Variants in TMTC4 observed in about 807,000 individuals in gnomAD.
The protein encoded by TMTC4 is protein O-mannosyl-transferase TMTC4.
A neutral mutation model predicts 86.0 loss-of-function variants in TMTC4; 65 were observed. That is an observed-to-expected ratio of 0.76 (90% CI 0.62 to 0.93). The LOEUF (loss-of-function observed/expected upper bound fraction) is 0.93, where lower values mean the gene tolerates loss of function less well. TMTC4 is among the 40% of genes least tolerant of loss of function. The pLI is 0.00. For synonymous variants in TMTC4, 379 were observed against 382.5 expected (o/e 0.99, Z 0.11); for missense variants, 866 against 948.1 (o/e 0.91, Z 1.14).
chr13:100,629,544 T>C (rs1021909968), intron 12 of TMTC4, among the ~76,000 whole-genome samples: 4 of 152,160 alleles, frequency 2.6e-5, no homozygotes, highest in Admixed American at 6.5e-5. Flanking sequence ...TTCTTCCCAC[T>C]AGATAATACA....
Position 100,604,964 on chromosome 13 carries a change from A to T in TMTC4, c.*30T>A, listed in dbSNP as rs773247652. 2 of 1,608,822 alleles carry T rather than the reference A, an allele frequency of 1.2e-6. No homozygotes were observed. Among genetic ancestry groups the T allele is most frequent in the Non-Finnish European group, 1.7e-6 (2 of 1,177,780 alleles). On this transcript the variant is annotated 3_prime_UTR_variant, in exon 19 of 19. Coordinates refer to ENST00000342624, the MANE Select transcript of TMTC4 (RefSeq NM_032813.5). ...AATGATATGCCTCATGCACACACAC[A>T]CTCAAACTCAAAACATGAAGGAAAC...
chr13:100,641,507 G>A (rs1490815752), intron 7 of TMTC4, among the ~76,000 whole-genome samples: 1 of 150,972 alleles, frequency 6.6e-6, no homozygotes, highest in Non-Finnish European at 1.5e-5. Context: ...CTTTTTTTGA[G>A]ATGTAGTTTT....
chr13:100,638,100 T>C lies in TMTC4; in HGVS notation c.742-78A>G, dbSNP rs1882516143. ...CAGCAATTACACTTCACAATTTCAT[T>C]ACTCAATCTAGACAAGGAACACATA... On this transcript the variant is annotated intron_variant, in intron 7 of 18. Coordinates refer to ENST00000342624, the MANE Select transcript of TMTC4 (RefSeq NM_032813.5). 3.7e-6 allele frequency: 4 copies of C among 1,093,166 alleles called. No individual in the cohort carries two copies. The South Asian group carries it at 5.6e-5, about 15-fold the overall frequency. 67.7% of individuals were successfully genotyped at this position (1,093,166 alleles called of 1,614,324 possible). A position where few individuals can be genotyped will look rare whatever the true frequency, so the allele number is the denominator to read the frequency against.
intron 15 of TMTC4, among the ~76,000 whole-genome samples, chr13:100,619,689 G>T (rs1280278226): frequency 6.6e-6 from 1 of 152,208 alleles, no homozygotes; most frequent in African/African-American, 2.4e-5. Flanking sequence ...ATGAGACTCA[G>T]AAACTCAAGT....
chr13:100,670,431 G>C lies in TMTC4; in HGVS notation c.-69C>G, dbSNP rs1886941769. On this transcript the variant is annotated 5_prime_UTR_variant, in exon 2 of 19. Coordinates refer to ENST00000342624, the MANE Select transcript of TMTC4 (RefSeq NM_032813.5). ...AGATTTACAATCCAGAGATGAAACA[G>C]GCCGCAACTCTTCCACTGCTTGTCT... 2.6e-6 allele frequency: 4 copies of C among 1,546,196 alleles called. No homozygotes were observed. The highest frequency in any genetic ancestry group is 3.5e-6 in the Non-Finnish European group (4 of 1,139,382).
chr13:100,624,270 G>A (rs1161371703), intron 15 of TMTC4: 6 of 151,230 alleles, frequency 4.0e-5, no homozygotes, highest in Admixed American at 1.3e-4. Flanking sequence ...AGCTTGCAGT[G>A]AGCCGAGATC....
chr13:100,630,854 G>A (rs1054660777), intron 12 of TMTC4, among the ~76,000 whole-genome samples: 2 of 152,222 alleles, frequency 1.3e-5, no homozygotes, highest in African/African-American at 2.4e-5. Flanking sequence ...GGAGAAGGAC[G>A]TGGGACTCTG....
At chr13:100,636,880 G>A (rs1218098969) in intron 9 of TMTC4, 146 bp from the exon 10 acceptor site, 1 of 772,424 alleles carries the variant, frequency 1.3e-6, no homozygotes, top group Non-Finnish European at 2.1e-6. Flanking sequence ...ACGTGTATTG[G>A]GTATGTGACT....
At position 100,666,033 on chromosome 13, in the gene TMTC4, C is replaced by T. The variant is rs374141086; in HGVS notation, c.220-1697G>A. The T allele has an allele frequency of 1.3e-4, 61 of 456,700 alleles. 1 individual carries two copies. The East Asian group carries it at 3.1e-3, about 23-fold the overall frequency. 28.3% of individuals were successfully genotyped at this position (456,700 alleles called of 1,614,324 possible). ...AAGGGCTTCGGCAGAGGATCTTTTCCTCCCTTTGAACAGGAAATGAACACC... is the reference window on the plus strand; with the variant it reads ...AAGGGCTTCGGCAGAGGATCTTTTCTTCCCTTTGAACAGGAAATGAACACC... On this transcript the variant is annotated intron_variant, in intron 3 of 18. Transcript: ENST00000342624.
At chr13:100,653,858 G>T (rs750079937) in intron 6 of TMTC4, among the ~76,000 whole-genome samples, 1 of 152,146 alleles carries the variant, frequency 6.6e-6, no homozygotes, top group Non-Finnish European at 1.5e-5. Flanking sequence ...CAAAATGCAC[G>T]CCCAACAATC....
intron 15 of TMTC4, among the ~76,000 whole-genome samples, chr13:100,621,407 A>G (rs1243473448): frequency 6.6e-6 from 1 of 152,152 alleles, no homozygotes; most frequent in African/African-American, 2.4e-5. Flanking sequence ...AAAAAAAGGG[A>G]TGAAAGAAGA....
At chr13:100,673,991 C>T (rs1383256905) in intron 1 of TMTC4, 1 of 981,892 alleles carries the variant, frequency 1.0e-6, no homozygotes, top group Admixed American at 6.1e-5. Context: ...GTTCCTCTAA[C>T]TCCTCCCTTC....
At chr13:100,662,608 C>T (rs1314068845) in intron 5 of TMTC4, among the ~76,000 whole-genome samples, 1 of 152,146 alleles carries the variant, frequency 6.6e-6, no homozygotes, top group Admixed American at 6.5e-5. Context: ...CTTTAGACCC[C>T]GAAGTCCAAC....
intron 18 of TMTC4, 56 bp downstream of exon 18, chr13:100,606,302 C>T (rs1022609030): frequency 7.0e-7 from 1 of 1,429,150 alleles, no homozygotes; most frequent in African/African-American, 1.4e-5. Flanking sequence ...AGACATGCAC[C>T]CACTTCATTA....
Position 100,663,196 on chromosome 13 carries a change from G to T in TMTC4, c.336-16C>A. On this transcript the variant is annotated splice_polypyrimidine_tract_variant and intron_variant, in intron 4 of 18. Transcript: ENST00000342624. ...GTAGTTAATCCTGCAGAAACACAGG[G>T]TGTTCAGGGTACACGCGCAGCGGCA... 2 of 1,613,276 alleles carry T rather than the reference G, an allele frequency of 1.2e-6. No homozygotes were observed. The highest frequency in any genetic ancestry group is 1.7e-4 in the Middle Eastern group (1 of 6,058).
rs755062657 is a variant in TMTC4, at chr13:100,664,294, CATG to C, written c.259_261del (p.His87del). On this transcript the variant is annotated inframe_deletion, in exon 4 of 19. Transcript: ENST00000342624. ...CTGCTCAGTCTACTGCCCCAGAAGT[CATG>C]ATGCCACAGGTCCCCCAGGGGCGTT... 1 of 1,612,108 alleles carries C rather than the reference CATG, an allele frequency of 6.2e-7. No homozygotes were observed. Among genetic ancestry groups the C allele is most frequent in the South Asian group, 1.1e-5 (1 of 90,836 alleles).
rs747109051 is a variant in TMTC4, at chr13:100,605,159, T to C, written c.2135-17A>G. 14 of 1,605,960 alleles carry C rather than the reference T, an allele frequency of 8.7e-6. No individual in the cohort carries two copies. The African/African-American group carries it at 1.3e-4, about 15-fold the overall frequency. On this transcript the variant is annotated splice_polypyrimidine_tract_variant and intron_variant, in intron 18 of 18. Transcript: ENST00000342624. This position sits in a 1 kb window ranked among gnomAD's most constrained non-coding sequence, Gnocchi z 4.3. ...AAAGCACAGCTGAAATAGCAGGAGA[T>C]AAATTTCACTGGGAATGCTTCTGAG...
rs59308401 is a variant in TMTC4 at position 100,615,546 on chromosome 13, A to C, written c.1837-1116T>G. ...CTGCTCACTGCAACGTCTGCCTCCCAAGTTCGAACAATTCTCGTGCCTCAG... is the reference window on the plus strand; with the variant it reads ...CTGCTCACTGCAACGTCTGCCTCCCCAGTTCGAACAATTCTCGTGCCTCAG... On this transcript the variant is annotated intron_variant, in intron 15 of 18. Coordinates refer to ENST00000342624, the MANE Select transcript of TMTC4 (RefSeq NM_032813.5). Among the ~76,000 whole-genome samples the C allele has an allele frequency of 9.8e-3, 1,486 of 151,996 alleles. 25 individuals carry two copies. Among genetic ancestry groups the C allele is most frequent in the African/African-American group, 0.034 (1,404 of 41,460 alleles).
chr13:100,611,410 C>G (rs890570573), intron 17 of TMTC4, among the ~76,000 whole-genome samples: 1 of 152,050 alleles, frequency 6.6e-6, no homozygotes, highest in Non-Finnish European at 1.5e-5. Flanking sequence ...ACGGTGAAAC[C>G]CTGTCTCTTC....
Sources: allele counts gnomAD v4.1 joint callset (sites outside exome capture counted in the v4.1 genomes callset), GRCh38; gene constraint gnomAD v4.1.1; non-coding constraint Gnocchi (gnomAD v3.1); transcripts MANE v1.5; gene names NCBI Gene and HGNC (gene_info 2026-07-23, HGNC 2026-07-21).